The following VIT variants were observed in gnomAD, a reference collection of about 807,000 sequenced individuals.
The protein encoded by VIT is vitrin.
VIT carries 99 observed loss-of-function variants against 78.0 expected under a neutral mutation model. That is an observed-to-expected ratio of 1.27 (90% CI 1.08 to 1.50). The LOEUF (loss-of-function observed/expected upper bound fraction) is 1.50. Among genes scored for constraint, VIT ranks in the 40% most tolerant of loss-of-function variants. The pLI is 0.00. For missense variants in VIT, 1,126 were observed against 875.3 expected (o/e 1.29, Z -3.61); for synonymous variants, 374 against 334.3 (o/e 1.12, Z -1.29).
chr2:36,728,471 G>T (rs116572185), intron 2 of VIT, among the ~76,000 whole-genome samples: 1,871 of 152,062 alleles, frequency 0.012, 40 homozygotes, highest in African/African-American at 0.043. Flanking sequence ...AAATTAAAAA[G>T]TTTATAAGGT....
intron 4 of VIT, among the ~76,000 whole-genome samples, chr2:36,754,025 T>TG (rs1668622693): frequency 6.6e-6 from 1 of 152,192 alleles, no homozygotes; most frequent in Admixed American, 6.5e-5. Context: ...TCAGGTATGC[T>TG]GGGAGAACCC....
At position 36,814,606 on chromosome 2, in the gene VIT, A is replaced by G. The variant is rs1003957921; in HGVS notation, c.*245A>G. On this transcript the variant is annotated 3_prime_UTR_variant, in exon 16 of 16. Coordinates refer to ENST00000379242, the MANE Select transcript of VIT (RefSeq NM_053276.4). ...ATGTTGAGGGTGCTGGAGATTTTAC[A>G]TTTTGACAATTGTTTTCAAAATAAA... 2.1e-6 allele frequency: 1 copy of G among 474,830 alleles called. No homozygotes were observed. The allele number at this position is 474,830 out of a possible 1,614,324, so 29.4% of individuals were successfully genotyped here.
chr2:36,767,291 T>C lies in VIT; in HGVS notation c.679+6T>C, dbSNP rs1259893178. On this transcript the variant is annotated splice_donor_region_variant and intron_variant, in intron 7 of 15. Transcript: ENST00000379242. ...CCACAGGAGCCAGGAGATGGGTCAG[T>C]AGGTAGACCATGTGTTGCTTTGTGC... 2 of 1,543,678 alleles carry C rather than the reference T, an allele frequency of 1.3e-6. No individual in the cohort carries two copies. Among genetic ancestry groups the C allele is most frequent in the Non-Finnish European group, 1.7e-6 (2 of 1,145,640 alleles).
At chr2:36,719,065 C>G (rs2148457062) in intron 2 of VIT, among the ~76,000 whole-genome samples, 1 of 152,330 alleles carries the variant, frequency 6.6e-6, no homozygotes, top group South Asian at 2.1e-4. Flanking sequence ...CCCAGCATCA[C>G]AGAACCAAGA....
chr2:36,741,316 C>T (rs6729382), intron 3 of VIT, among the ~76,000 whole-genome samples: 147,992 of 152,304 alleles, frequency 0.97, 72,051 homozygotes, highest in Middle Eastern at 1. Flanking sequence ...AAATAGCCGG[C>T]GAGGAGGCAA....
intron 12 of VIT, among the ~76,000 whole-genome samples, chr2:36,792,432 C>T (rs1485045516): frequency 6.6e-6 from 1 of 152,140 alleles, no homozygotes; most frequent in East Asian, 1.9e-4. Context: ...ATGCAGGGCT[C>T]CTGGAGGTAC....
rs372497928 is a variant in VIT, at chr2:36,752,716, T to G, written c.276-2205T>G. 1.1e-4 allele frequency among the ~76,000 whole-genome samples: 16 copies of G among 152,318 alleles called. 1 individual carries two copies. Among genetic ancestry groups the G allele is most frequent in the African/African-American group, 3.8e-4 (16 of 41,576 alleles). On this transcript the variant is annotated intron_variant, in intron 4 of 15. Coordinates refer to ENST00000379242, the MANE Select transcript of VIT (RefSeq NM_053276.4). ...AAGCCTCCTGTGCATCCTGCTTCTT[T>G]GCCAGCTCACCCAATCCTGAAAGCA...
At chr2:36,785,724 T>C (rs1188603362) in intron 11 of VIT, among the ~76,000 whole-genome samples, 2 of 152,218 alleles carry the variant, frequency 1.3e-5, no homozygotes, top group African/African-American at 4.8e-5. Flanking sequence ...TGATTCTAGA[T>C]GGAGTGAAGT....
chr2:36,727,138 G>A (rs980667909), intron 2 of VIT, among the ~76,000 whole-genome samples: 11 of 152,038 alleles, frequency 7.2e-5, no homozygotes, highest in African/African-American at 1.9e-4. Flanking sequence ...CAGGGAACCC[G>A]GAGGGAATAC....
intron 5 of VIT, among the ~76,000 whole-genome samples, chr2:36,755,383 C>A (rs1668702818): frequency 6.6e-6 from 1 of 152,138 alleles, no homozygotes; most frequent in Admixed American, 6.5e-5. Context: ...AAATGTGCCT[C>A]ATGTCTAGAA....
intron 12 of VIT, among the ~76,000 whole-genome samples, chr2:36,794,990 T>C (rs1158080248): frequency 1.3e-5 from 2 of 152,132 alleles, no homozygotes; most frequent in Non-Finnish European, 2.9e-5. Context: ...AAGTAGAGTG[T>C]TCACCTCCAC....
intron 2 of VIT, among the ~76,000 whole-genome samples, chr2:36,723,975 G>C (rs960966789): frequency 1.4e-5 from 2 of 141,972 alleles, no homozygotes; most frequent in African/African-American, 2.5e-5. Flanking sequence ...AGAGAGGGGA[G>C]GGGAGGGGGG....
intron 1 of VIT, among the ~76,000 whole-genome samples, chr2:36,705,342 C>T (rs1465542513): frequency 6.6e-6 from 1 of 152,182 alleles, no homozygotes; most frequent in Non-Finnish European, 1.5e-5. Flanking sequence ...TTTTTTCCCA[C>T]TGGCAATATA....
At position 36,761,664 on chromosome 2, in the gene VIT, C is replaced by T. The variant is rs183489601; in HGVS notation, c.487+2618C>T. 1.2e-4 allele frequency among the ~76,000 whole-genome samples: 19 copies of T among 152,048 alleles called. No individual in the cohort carries two copies. The East Asian group carries it at 3.1e-3, about 25-fold the overall frequency. ...CTGAGGCAGGAGAATCACTTGAACC[C>T]GGGAGGTGGAGGTTGCAGTGAGCCA... On this transcript the variant is annotated intron_variant, in intron 6 of 15. Coordinates refer to ENST00000379242, the MANE Select transcript of VIT (RefSeq NM_053276.4).
chr2:36,789,670 G>A lies in VIT; in HGVS notation c.1058+2394G>A, dbSNP rs575892401. 3.3e-5 allele frequency among the ~76,000 whole-genome samples: 5 copies of A among 152,290 alleles called. No homozygotes were observed. In the South Asian group the frequency reaches 1.0e-3, roughly 32 times the overall value. ...TATGCATGAGAGCACACAGAGGAAG[G>A]AAGTGGGGCATCCTGGTGATTTGGG... On this transcript the variant is annotated intron_variant, in intron 12 of 15. Transcript: ENST00000379242.
chr2:36,814,425 C>T lies in VIT; in HGVS notation c.*64C>T, dbSNP rs1667420596. 12 of 1,581,036 alleles carry T rather than the reference C, an allele frequency of 7.6e-6. No homozygotes were observed. The South Asian group carries it at 9.1e-5, about 12-fold the overall frequency. On this transcript the variant is annotated 3_prime_UTR_variant, in exon 16 of 16. Coordinates refer to ENST00000379242, the MANE Select transcript of VIT (RefSeq NM_053276.4). ...TAACTGACGTGTTGGACCACCCCAC[C>T]GCTTAATGGGGCACGCACGGTGCAT...
intron 12 of VIT, among the ~76,000 whole-genome samples, chr2:36,792,748 G>A (rs1197240032): frequency 2.0e-5 from 3 of 152,174 alleles, no homozygotes; most frequent in African/African-American, 7.2e-5. Context: ...GTCCTCCAGT[G>A]AAGCCCAGTC....
intron 6 of VIT, among the ~76,000 whole-genome samples, chr2:36,761,141 C>A (rs2148567904): frequency 6.6e-6 from 1 of 152,316 alleles, no homozygotes; most frequent in East Asian, 1.9e-4. Flanking sequence ...TGTGATGGAT[C>A]TGCAGAAAGA....
intron 1 of VIT, among the ~76,000 whole-genome samples, chr2:36,697,703 G>A (rs1664765260): frequency 6.6e-6 from 1 of 152,300 alleles, no homozygotes; most frequent in Non-Finnish European, 1.5e-5. Context: ...TAAAGAGAGA[G>A]GATAAGACTG....
Sources: gnomAD v4.1 joint callset for allele counts (sites outside exome capture counted in the v4.1 genomes callset) on GRCh38, gnomAD v4.1.1 for gene constraint, MANE v1.5 for transcripts, NCBI Gene and HGNC (gene_info 2026-07-23, HGNC 2026-07-21) for gene names.